Variants in DNTT observed in about 807,000 individuals in gnomAD.
DNTT encodes the protein nucleosidetriphosphate:DNA deoxynucleotidylexotransferase.
DNTT carries 47 observed loss-of-function variants against 60.9 expected under a neutral mutation model. The ratio of observed to expected loss-of-function variants is 0.77; its 90% CI spans 0.61 to 0.98. The LOEUF (loss-of-function observed/expected upper bound fraction) is 0.98, where lower values mean the gene tolerates loss of function less well. DNTT is among the 50% of genes least tolerant of loss of function. DNTT has a pLI of 0.00. For missense variants in DNTT, 665 were observed against 627.5 expected (o/e 1.06, Z -0.64); for synonymous variants, 224 against 221.2 (o/e 1.01, Z -0.11).
In DNTT at chr10:96,335,910, G is replaced by A. The variant is rs142141382; in HGVS notation, c.1379G>A (p.Arg460Gln). Residue 460 changes from arginine to glutamine, a missense_variant, in exon 10 of 11, where the codon CGG (arginine) becomes CAG (glutamine). Arg to Gln is a conservative substitution (Grantham distance 43). Coordinates refer to ENST00000371174, the MANE Select transcript of DNTT (RefSeq NM_004088.4). ...TGSRQFERDLRRYATHERKMI... is the reference protein window; with the variant it reads ...TGSRQFERDLQRYATHERKMI... ...ATCCAGCAGTTTGAGAGAGACCTCC[G>A]GCGCTATGCCACACATGAGCGGAAG... 1.5e-4 allele frequency: 248 copies of A among 1,614,006 alleles called. 2 individuals are homozygous for A. The highest frequency in any genetic ancestry group is 2.0e-4 in the Non-Finnish European group (232 of 1,180,022).
At chr10:96,327,742 C>A in intron 7 of DNTT, 142 bp downstream of exon 7, 3 of 1,350,802 alleles carry the variant, frequency 2.2e-6, no homozygotes, top group Non-Finnish European at 3.0e-6. Context: ...TCTCACATTT[C>A]ATTTCAGCAA....
chr10:96,322,004 G>T (rs975663367), intron 4 of DNTT, among the ~76,000 whole-genome samples: 1 of 152,130 alleles, frequency 6.6e-6, no homozygotes, highest in Non-Finnish European at 1.5e-5. Flanking sequence ...ATTTCCCTCA[G>T]TTCCACCTGG....
intron 1 of DNTT, among the ~76,000 whole-genome samples, chr10:96,307,039 C>T (rs190693839): frequency 6.6e-6 from 1 of 152,198 alleles, no homozygotes; most frequent in African/African-American, 2.4e-5. Context: ...ATTTTAATAT[C>T]CTGATAAATG....
In DNTT at chr10:96,324,291, G is replaced by A; in HGVS notation, c.776G>A (p.Gly259Glu). ...CTCTTTACTTCTGTATTTGGAGTGG[G>A]GCTGAAGACTTCTGAGAAGTGGTTC... Reference protein sequence around the residue: ...FKLFTSVFGVGLKTSEKWFRM... With the variant: ...FKLFTSVFGVELKTSEKWFRM... Residue 259 changes from glycine (G) to glutamate (E), a missense_variant, in exon 6 of 11, where the codon GGG becomes GAG. Coordinates refer to ENST00000371174, the MANE Select transcript of DNTT (RefSeq NM_004088.4). 5 of 1,613,780 alleles carry A rather than the reference G, an allele frequency of 3.1e-6. No homozygotes were observed. Among genetic ancestry groups the A allele is most frequent in the Non-Finnish European group, 4.2e-6 (5 of 1,179,786 alleles).
intron 4 of DNTT, among the ~76,000 whole-genome samples, 170 bp downstream of exon 4, chr10:96,320,958 CTCTCTCTCTCTGTT>C (rs1164785771): frequency 1.3e-5 from 2 of 151,656 alleles, no homozygotes; most frequent in Admixed American, 1.3e-4. Flanking sequence ...CTCTCTCTCT[CTCTCTCTCTCTGTT>C]TATTTTTATA....
chr10:96,324,621 G>T (rs1453085402), intron 6 of DNTT, among the ~76,000 whole-genome samples: 1 of 152,210 alleles, frequency 6.6e-6, no homozygotes, highest in African/African-American at 2.4e-5. Context: ...AGATAACATT[G>T]ATACTTAGCT....
intron 3 of DNTT, 68 bp downstream of exon 3, chr10:96,319,458 A>G: frequency 6.3e-7 from 1 of 1,590,198 alleles, no homozygotes; most frequent in African/African-American, 1.4e-5. Context: ...TGGACCGCAA[A>G]TTAAATTATA....
At chr10:96,322,176 T>A (rs1032972123) in intron 4 of DNTT, among the ~76,000 whole-genome samples, 1 of 152,152 alleles carries the variant, frequency 6.6e-6, no homozygotes, top group Non-Finnish European at 1.5e-5. Flanking sequence ...TATAGTCAAG[T>A]GCAAGGTATA....
intron 1 of DNTT, among the ~76,000 whole-genome samples, chr10:96,317,486 T>G (rs1032956139): frequency 6.6e-6 from 1 of 152,210 alleles, no homozygotes; most frequent in South Asian, 2.1e-4. Flanking sequence ...AATAATAAAC[T>G]GTGAGATCAT....
intron 9 of DNTT, among the ~76,000 whole-genome samples, chr10:96,333,778 T>A (rs1272583274): frequency 6.6e-6 from 1 of 152,142 alleles, no homozygotes; most frequent in Non-Finnish European, 1.5e-5. Context: ...GTCAAACTCG[T>A]AGAAGTACAG....
At chr10:96,328,582 A>G (rs1844966825) in intron 7 of DNTT, 143 bp from the exon 8 acceptor site, 1 of 707,808 alleles carries the variant, frequency 1.4e-6, no homozygotes, top group East Asian at 2.7e-5. Flanking sequence ...ATGTGTAACC[A>G]AGGATATTTT....
intron 1 of DNTT, among the ~76,000 whole-genome samples, chr10:96,313,100 C>T (rs1012662708): frequency 6.6e-6 from 1 of 152,146 alleles, no homozygotes; most frequent in African/African-American, 2.4e-5. Context: ...GGTACCAATG[C>T]CAGTTCTCTC....
intron 1 of DNTT, among the ~76,000 whole-genome samples, chr10:96,316,369 C>T (rs150467108): frequency 1.3e-5 from 2 of 152,260 alleles, no homozygotes; most frequent in East Asian, 1.9e-4. Context: ...AGTTCCGCAA[C>T]CCTCCCTACC....
intron 2 of DNTT, among the ~76,000 whole-genome samples, chr10:96,318,963 C>T (rs1844827346): frequency 1.3e-5 from 2 of 152,106 alleles, no homozygotes; most frequent in Non-Finnish European, 2.9e-5. Context: ...CTCTCAATTC[C>T]AAATATTTGA....
At chr10:96,307,701 G>GTGTA (rs1844657706) in intron 1 of DNTT, among the ~76,000 whole-genome samples, 1 of 85,026 alleles carries the variant, frequency 1.2e-5, no homozygotes, top group Non-Finnish European at 2.6e-5. Flanking sequence ...GTGTGTGTGT[G>GTGTA]TGTGTATATA....
chr10:96,323,826 G>T (rs1230369472), intron 5 of DNTT, among the ~76,000 whole-genome samples: 1 of 152,116 alleles, frequency 6.6e-6, no homozygotes, highest in Non-Finnish European at 1.5e-5. Context: ...TTTGGGCTGT[G>T]CCACTTCCCA....
At chr10:96,317,350 AC>A (rs1172485909) in intron 1 of DNTT, among the ~76,000 whole-genome samples, 1 of 152,254 alleles carries the variant, frequency 6.6e-6, no homozygotes, top group East Asian at 1.9e-4. Context: ...TAGGTAAAGC[AC>A]ATGGCCAATG....
chr10:96,320,545 G>C, intron 3 of DNTT, 73 bp from the exon 4 acceptor site: 2 of 1,543,866 alleles, frequency 1.3e-6, no homozygotes, highest in Non-Finnish European at 1.8e-6. Flanking sequence ...AGGAGAGCAA[G>C]AGGCGTTTGT....
chr10:96,304,798 A>G (rs1844614692), intron 1 of DNTT, 98 bp downstream of exon 1: 1 of 1,358,558 alleles, frequency 7.4e-7, no homozygotes, highest in Non-Finnish European at 9.9e-7. Context: ...CATGTGGAAG[A>G]GGTGATCTTC....
Sources: gnomAD v4.1 joint callset for allele counts (sites outside exome capture counted in the v4.1 genomes callset) on GRCh38, gnomAD v4.1.1 for gene constraint, MANE v1.5 for transcripts, NCBI Gene and HGNC (gene_info 2026-07-23, HGNC 2026-07-21) for gene names.